PPP1R1C: variants seen among roughly 807,000 people sequenced by gnomAD.
PPP1R1C encodes protein phosphatase 1 regulatory subunit 1C.
PPP1R1C carries 15 observed loss-of-function variants against 17.4 expected under a neutral mutation model. The observed-to-expected ratio is 0.86, with a 90% CI of 0.58 to 1.33. PPP1R1C has a LOEUF of 1.33. Among genes scored for constraint, PPP1R1C ranks in the 40% most tolerant of loss-of-function variants. PPP1R1C has a pLI of 0.00. For synonymous variants in PPP1R1C, 35 were observed against 43.1 expected (o/e 0.81, Z 0.73); for missense variants, 143 against 130.0 (o/e 1.10, Z -0.48).
chr2:182,086,895 C>T (rs554321188), intron 4 of PPP1R1C, among the ~76,000 whole-genome samples: 1 of 151,862 alleles, frequency 6.6e-6, no homozygotes, highest in Admixed American at 6.6e-5. Context: ...TTTCTTCTGT[C>T]CCCTACCAGT....
chr2:182,037,666 G>T (rs972328949), intron 2 of PPP1R1C, among the ~76,000 whole-genome samples: 1 of 151,818 alleles, frequency 6.6e-6, no homozygotes, highest in African/African-American at 2.4e-5. Context: ...AACCTATAAA[G>T]ATACAGGTGA....
chr2:182,054,229 A>T (rs1687615853), intron 2 of PPP1R1C, among the ~76,000 whole-genome samples: 2 of 152,208 alleles, frequency 1.3e-5, no homozygotes, highest in Admixed American at 6.5e-5. Context: ...CATAGCCTGG[A>T]GAGGTTCCAG....
downstream of PPP1R1C, chr2:182,130,775 G>T (rs931416357): frequency 9.2e-5 from 14 of 152,022 alleles, no homozygotes; most frequent in African/African-American, 3.4e-4. Context: ...TTTGTCACTT[G>T]TTTGTTACAT....
At chr2:181,972,509 A>T (rs951298869) in intron 1 of PPP1R1C, among the ~76,000 whole-genome samples, 28 of 152,138 alleles carry the variant, frequency 1.8e-4, no homozygotes, top group African/African-American at 6.5e-4. Context: ...AAAAAAACAC[A>T]ATACATCAAC....
intron 2 of PPP1R1C, among the ~76,000 whole-genome samples, chr2:182,047,998 C>T (rs1353292889): frequency 6.6e-6 from 1 of 151,972 alleles, no homozygotes; most frequent in Non-Finnish European, 1.5e-5. Context: ...TTCTTATTGG[C>T]ATCCCCTAAA....
intron 4 of PPP1R1C, among the ~76,000 whole-genome samples, chr2:182,086,531 G>A (rs1017256043): frequency 1.3e-5 from 2 of 152,134 alleles, no homozygotes; most frequent in African/African-American, 4.8e-5. Flanking sequence ...TAAATGTGAT[G>A]TGAGGAAATT....
At chr2:181,984,217 A>G (rs923922675), upstream of PPP1R1C, among the ~76,000 whole-genome samples, 19 of 152,310 alleles carry the variant, frequency 1.2e-4, no homozygotes, top group African/African-American at 4.6e-4. Context: ...TCAGGAATTG[A>G]GTAATCTAAA....
intron 4 of PPP1R1C, among the ~76,000 whole-genome samples, chr2:182,099,491 C>T (rs889846167): frequency 1.3e-5 from 2 of 152,140 alleles, no homozygotes; most frequent in Non-Finnish European, 2.9e-5. Context: ...CTCACTCTTA[C>T]CTAGAATTGG....
chr2:182,043,171 C>T (rs755370322), intron 2 of PPP1R1C, among the ~76,000 whole-genome samples: 45 of 152,136 alleles, frequency 3.0e-4, no homozygotes, highest in Non-Finnish European at 6.3e-4. Flanking sequence ...ATGCAAAATG[C>T]ATTTGGTCAA....
At chr2:182,013,557 A>C (rs1686153707) in intron 2 of PPP1R1C, among the ~76,000 whole-genome samples, 1 of 152,044 alleles carries the variant, frequency 6.6e-6, no homozygotes, top group Non-Finnish European at 1.5e-5. Context: ...CTATAATTGA[A>C]TATTGATATC....
At chr2:182,036,681 C>T (rs1198782340) in intron 2 of PPP1R1C, among the ~76,000 whole-genome samples, 1 of 152,036 alleles carries the variant, frequency 6.6e-6, no homozygotes, top group Non-Finnish European at 1.5e-5. Context: ...TATACATTCT[C>T]TCTGTCTCTC....
At chr2:182,092,983 G>A (rs1048813074) in intron 4 of PPP1R1C, among the ~76,000 whole-genome samples, 5 of 152,194 alleles carry the variant, frequency 3.3e-5, no homozygotes, top group African/African-American at 1.2e-4. Flanking sequence ...AGCTCCACTA[G>A]TTGATGCCCC....
chr2:182,003,004 C>A (rs564753207), intron 2 of PPP1R1C, among the ~76,000 whole-genome samples: 9 of 134,158 alleles, frequency 6.7e-5, no homozygotes, highest in Non-Finnish European at 1.1e-4. Flanking sequence ...GACCTGTATT[C>A]TTTCCCATAG....
intron 2 of PPP1R1C, among the ~76,000 whole-genome samples, chr2:182,046,960 G>GA (rs1178814582): frequency 3.3e-5 from 5 of 150,916 alleles, no homozygotes; most frequent in Admixed American, 2.6e-4. Flanking sequence ...GACCTATGTG[G>GA]AAAAAAAAAG....
intron 2 of PPP1R1C, among the ~76,000 whole-genome samples, chr2:181,998,411 C>A (rs13002789): frequency 0.14 from 22,002 of 152,106 alleles, 1,861 homozygotes; most frequent in East Asian, 0.31. Flanking sequence ...GATTTATCTG[C>A]CCTAGCTTGT....
At chr2:182,022,254 TA>T (rs1246843752) in intron 2 of PPP1R1C, among the ~76,000 whole-genome samples, 1 of 152,216 alleles carries the variant, frequency 6.6e-6, no homozygotes, top group African/African-American at 2.4e-5. Flanking sequence ...TCAATTAAAT[TA>T]AAAAATATTT....
chr2:182,118,178 T>G (rs1383758796), downstream of PPP1R1C, among the ~76,000 whole-genome samples: 1 of 152,128 alleles, frequency 6.6e-6, no homozygotes, highest in Non-Finnish European at 1.5e-5. Context: ...CAAATATCTT[T>G]TATGAGCTTA....
intron 4 of PPP1R1C, among the ~76,000 whole-genome samples, chr2:182,072,530 G>A (rs371048983): frequency 1.3e-5 from 2 of 152,108 alleles, no homozygotes; most frequent in South Asian, 2.1e-4. Flanking sequence ...AGAGGAGCAG[G>A]GTTCCCATGT....
chr2:182,050,886 A>G (rs1687493967), intron 2 of PPP1R1C, among the ~76,000 whole-genome samples: 1 of 152,226 alleles, frequency 6.6e-6, no homozygotes, highest in Non-Finnish European at 1.5e-5. Context: ...CTCAGAACAC[A>G]TTGTACTACA....
Sources: gnomAD v4.1 joint callset for allele counts (sites outside exome capture counted in the v4.1 genomes callset) on GRCh38, gnomAD v4.1.1 for gene constraint, MANE v1.5 for transcripts, NCBI Gene and HGNC (gene_info 2026-07-23, HGNC 2026-07-21) for gene names.